The following PDE10A variants were observed in gnomAD, a reference collection of about 807,000 sequenced individuals.
PDE10A encodes phosphodiesterase 10A, also known as cAMP and cAMP-inhibited cGMP 3',5'-cyclic phosphodiesterase 10A.
Under a neutral mutation model 97.7 loss-of-function variants are expected in PDE10A, and 39 were observed. The ratio of observed to expected loss-of-function variants is 0.40; its 90% CI spans 0.31 to 0.52. The LOEUF (loss-of-function observed/expected upper bound fraction) is 0.52. Among genes scored for constraint, PDE10A ranks in the 20% least tolerant of loss-of-function variants. The pLI is 0.56. For synonymous variants in PDE10A, 371 were observed against 376.8 expected, an observed-to-expected ratio of 0.98 and a Z score of 0.18; for missense variants, 731 against 1,047.8, an observed-to-expected ratio of 0.70 and a Z score of 4.17.
chr6:165,642,522 T>C (rs905558420), intron 1 of PDE10A, among the ~76,000 whole-genome samples: 1 of 152,136 alleles, frequency 6.6e-6, no homozygotes, highest in African/African-American at 2.4e-5. Flanking sequence ...AGCACTGAGG[T>C]GTATATAGCC....
chr6:165,838,964 A>G (rs1780140209), intron 1 of PDE10A, among the ~76,000 whole-genome samples: 1 of 152,238 alleles, frequency 6.6e-6, no homozygotes, highest in African/African-American at 2.4e-5. Context: ...ATGATTTGCA[A>G]TCAGGAACCG....
At chr6:165,778,147 T>C (rs995545172) in intron 1 of PDE10A, among the ~76,000 whole-genome samples, 1 of 152,288 alleles carries the variant, frequency 6.6e-6, no homozygotes. Flanking sequence ...CGATCTCAGT[T>C]CATTACAATC....
At chr6:165,580,428 G>A (rs1785547636) in intron 1 of PDE10A, among the ~76,000 whole-genome samples, 1 of 152,180 alleles carries the variant, frequency 6.6e-6, no homozygotes, top group Non-Finnish European at 1.5e-5. Context: ...AAAAGAGGTA[G>A]AAATGAGGCT....
chr6:165,701,100 A>G (rs1197552244), intron 1 of PDE10A, among the ~76,000 whole-genome samples: 2 of 152,260 alleles, frequency 1.3e-5, no homozygotes, highest in Non-Finnish European at 2.9e-5. Flanking sequence ...GCAAATATAG[A>G]ACAAGCAGAT....
chr6:165,763,823 C>A (rs752544749), intron 1 of PDE10A, among the ~76,000 whole-genome samples: 3 of 152,178 alleles, frequency 2.0e-5, no homozygotes, highest in African/African-American at 7.2e-5. Context: ...GCATAGGAAG[C>A]TTTTTGTACA....
At chr6:165,611,893 G>A (rs1037964522) in intron 1 of PDE10A, among the ~76,000 whole-genome samples, 2 of 152,182 alleles carry the variant, frequency 1.3e-5, no homozygotes, top group African/African-American at 4.8e-5. Context: ...AAAGTATACT[G>A]TCATCAGTAA....
At chr6:165,726,105 G>C (rs1299883557) in intron 1 of PDE10A, among the ~76,000 whole-genome samples, 2 of 152,184 alleles carry the variant, frequency 1.3e-5, no homozygotes, top group Admixed American at 1.3e-4. Flanking sequence ...CCTGTGCATA[G>C]GCAACGCAGG....
chr6:165,344,483 T>C (rs1782181639), intron 18 of PDE10A, among the ~76,000 whole-genome samples: 1 of 152,232 alleles, frequency 6.6e-6, no homozygotes, highest in African/African-American at 2.4e-5. Context: ...AGCAATCCCC[T>C]GCTGTTAACC....
chr6:165,784,374 T>G (rs1778438204), intron 1 of PDE10A, among the ~76,000 whole-genome samples: 1 of 152,220 alleles, frequency 6.6e-6, no homozygotes, highest in Non-Finnish European at 1.5e-5. Flanking sequence ...TCCACGTTTC[T>G]GAGTAACTTC....
At chr6:165,549,546 G>A (rs193161292) in intron 1 of PDE10A, among the ~76,000 whole-genome samples, 2 of 152,194 alleles carry the variant, frequency 1.3e-5, no homozygotes, top group African/African-American at 2.4e-5. Context: ...GGATGGTCTC[G>A]ATCTCCTGAC....
intron 18 of PDE10A, among the ~76,000 whole-genome samples, chr6:165,344,077 T>G (rs1222229117): frequency 6.6e-6 from 1 of 152,004 alleles, no homozygotes; most frequent in Non-Finnish European, 1.5e-5. Flanking sequence ...CATTAGCAGA[T>G]ATTTCTTTTC....
chr6:165,678,200 TA>T (rs1186078648), intron 1 of PDE10A, among the ~76,000 whole-genome samples: 2 of 149,464 alleles, frequency 1.3e-5, no homozygotes, highest in East Asian at 2.0e-4. Context: ...TGTGTATGTA[TA>T]TGTGTGTCTG....
At chr6:165,495,184 T>G (rs1236055758) in intron 2 of PDE10A, among the ~76,000 whole-genome samples, 1 of 152,108 alleles carries the variant, frequency 6.6e-6, no homozygotes, top group African/African-American at 2.4e-5. Flanking sequence ...TGACTTAAAT[T>G]TCGTGGTTTT....
chr6:165,946,753 T>G (rs908796173), intron 1 of PDE10A: 2 of 152,168 alleles, frequency 1.3e-5, no homozygotes, highest in African/African-American at 4.8e-5. Context: ...CTACATGACC[T>G]TCACATGATC....
At chr6:165,757,043 C>T (rs1262689020) in intron 1 of PDE10A, among the ~76,000 whole-genome samples, 1 of 151,630 alleles carries the variant, frequency 6.6e-6, no homozygotes, top group Non-Finnish European at 1.5e-5. Context: ...TCTCAGTTCA[C>T]TGCAACATCC....
Position 165,976,236 on chromosome 6 carries a change from C to T in PDE10A, c.-615+11293G>A, listed in dbSNP as rs1213936865. On this transcript the variant is annotated intron_variant, in intron 1 of 19. Coordinates refer to the PDE10A transcript ENST00000366882. ...TGGATATGTTAATTATTATTATTATCGTGTAAGATAACAGCTGATGTTGAC... is the reference window on the plus strand; with the variant it reads ...TGGATATGTTAATTATTATTATTATTGTGTAAGATAACAGCTGATGTTGAC... 4.6e-5 allele frequency among the ~76,000 whole-genome samples: 7 copies of T among 152,072 alleles called. 1 individual carries two copies. The highest frequency in any genetic ancestry group is 2.6e-4 in the Admixed American group (4 of 15,270).
At chr6:165,463,263 T>C (rs991315607) in intron 3 of PDE10A, among the ~76,000 whole-genome samples, 8 of 152,172 alleles carry the variant, frequency 5.3e-5, no homozygotes, top group African/African-American at 1.9e-4. Context: ...ATATGGCTCA[T>C]TGTAGGAGCT....
chr6:165,941,559 C>T (rs1449078933), intron 1 of PDE10A, among the ~76,000 whole-genome samples: 5 of 152,166 alleles, frequency 3.3e-5, no homozygotes, highest in African/African-American at 1.2e-4. Flanking sequence ...GTGGATCCCT[C>T]ACGGCTTGGT....
intron 1 of PDE10A, among the ~76,000 whole-genome samples, chr6:165,597,470 T>C (rs1206309102): frequency 6.6e-6 from 1 of 152,196 alleles, no homozygotes; most frequent in African/African-American, 2.4e-5. Context: ...CATTTTCCTA[T>C]GTAAAACTCA....
Sources: gnomAD v4.1 joint callset for allele counts (sites outside exome capture counted in the v4.1 genomes callset) on GRCh38, gnomAD v4.1.1 for gene constraint, MANE v1.5 for transcripts, NCBI Gene and HGNC (gene_info 2026-07-23, HGNC 2026-07-21) for gene names.